The following MS4A13 variants were observed in gnomAD, a reference collection of about 807,000 sequenced individuals.
The protein encoded by MS4A13 is membrane-spanning 4-domains subfamily A member 13.
Under a neutral mutation model 18.4 loss-of-function variants are expected in MS4A13, and 21 were observed. The observed-to-expected ratio is 1.14, with a 90% CI of 0.81 to 1.64. The LOEUF (loss-of-function observed/expected upper bound fraction) is 1.64, where lower values mean the gene tolerates loss of function less well. Among genes scored for constraint, MS4A13 ranks in the 40% most tolerant of loss-of-function variants. MS4A13 has a pLI of 0.00. For missense variants in MS4A13, 173 were observed against 176.8 expected, an observed-to-expected ratio of 0.98 and a Z score of 0.12; for synonymous variants, 62 against 57.2, an observed-to-expected ratio of 1.08 and a Z score of -0.38.
chr11:60,538,046 A>T, intron 6 of MS4A13, among the ~76,000 whole-genome samples: 1 of 74,974 alleles, frequency 1.3e-5, no homozygotes, highest in African/African-American at 5.4e-5. Context: ...GGGAGGGGGG[A>T]GGGATGGCAT....
intron 3 of MS4A13, among the ~76,000 whole-genome samples, chr11:60,523,613 C>G (rs1382696232): frequency 6.6e-6 from 1 of 152,110 alleles, no homozygotes; most frequent in Non-Finnish European, 1.5e-5. Context: ...CACATAAAAG[C>G]AAACTTGGTT....
intron 5 of MS4A13, among the ~76,000 whole-genome samples, chr11:60,528,398 A>ACCTCCTGTC (rs1169058096): frequency 6.6e-6 from 1 of 152,116 alleles, no homozygotes; most frequent in East Asian, 1.9e-4. Context: ...CTTGGAGTGA[A>ACCTCCTGTC]CCTCCTGTCC....
intron 6 of MS4A13, 40 bp from the exon 7 acceptor site, chr11:60,542,479 G>A (rs1173052918): frequency 4.3e-6 from 6 of 1,406,238 alleles, no homozygotes; most frequent in Non-Finnish European, 5.0e-6. Flanking sequence ...ATAATATTAA[G>A]AAACATGATA....
At chr11:60,521,551 A>G (rs1467537132) in intron 3 of MS4A13, among the ~76,000 whole-genome samples, 3 of 152,180 alleles carry the variant, frequency 2.0e-5, no homozygotes. Flanking sequence ...CTAAAACATA[A>G]CAAGAGTCAC....
At chr11:60,524,000 G>C in intron 4 of MS4A13, 47 bp downstream of exon 4, 1 of 1,142,260 alleles carries the variant, frequency 8.8e-7, no homozygotes, top group Non-Finnish European at 1.3e-6. Flanking sequence ...TTATCACAAA[G>C]CTAAATATTA....
intron 4 of MS4A13, among the ~76,000 whole-genome samples, chr11:60,524,476 G>A (rs1391077793): frequency 6.6e-6 from 1 of 152,084 alleles, no homozygotes; most frequent in Non-Finnish European, 1.5e-5. Flanking sequence ...AAAAAATGAT[G>A]TCTGAAGATA....
chr11:60,521,002 C>T (rs191173236), intron 3 of MS4A13, among the ~76,000 whole-genome samples: 14 of 152,366 alleles, frequency 9.2e-5, no homozygotes, highest in Non-Finnish European at 2.1e-4. Flanking sequence ...CCCGCAGGCT[C>T]AACACCACAT....
intron 5 of MS4A13, 130 bp downstream of exon 5, chr11:60,525,456 G>C (rs2086707373): frequency 1.8e-6 from 1 of 552,260 alleles, no homozygotes; most frequent in East Asian, 3.9e-5. Flanking sequence ...GTGAGCTCTT[G>C]ATTGAAAATT....
intron 6 of MS4A13, 141 bp downstream of exon 6, chr11:60,529,601 TTTG>T (rs1449283842): frequency 2.4e-5 from 10 of 422,794 alleles, no homozygotes; most frequent in Non-Finnish European, 4.1e-5. Flanking sequence ...ATTTTTTATT[TTTG>T]TTATTTTATA....
At chr11:60,522,250 A>G (rs1206855787) in intron 3 of MS4A13, among the ~76,000 whole-genome samples, 1 of 106,832 alleles carries the variant, frequency 9.4e-6, no homozygotes, top group Admixed American at 1.0e-4. Context: ...ATGTATATAT[A>G]TAGATATATA....
intron 6 of MS4A13, among the ~76,000 whole-genome samples, chr11:60,532,117 G>T (rs2086772274): frequency 6.6e-6 from 1 of 152,236 alleles, no homozygotes; most frequent in South Asian, 2.1e-4. Flanking sequence ...AAGAATAAAT[G>T]TTGGACTTAA....
intron 6 of MS4A13, among the ~76,000 whole-genome samples, chr11:60,536,731 CA>C (rs2086811497): frequency 1.3e-5 from 1 of 76,482 alleles, no homozygotes; most frequent in Non-Finnish European, 2.4e-5. Context: ...AATCCTAAGC[CA>C]AAAGAACAAA....
intron 2 of MS4A13, among the ~76,000 whole-genome samples, chr11:60,517,298 G>C (rs1022107872): frequency 2.6e-5 from 4 of 151,972 alleles, no homozygotes; most frequent in Admixed American, 6.6e-5. Flanking sequence ...ACATTAAATA[G>C]CTTTCTGTTT....
In MS4A13 at chr11:60,518,232, A is replaced by T. The variant is rs2086650862; in HGVS notation, c.129+20A>T. 1.3e-6 allele frequency: 2 copies of T among 1,577,486 alleles called. No homozygotes were observed. Among genetic ancestry groups the T allele is most frequent in the African/African-American group, 2.7e-5 (2 of 73,758 alleles). ...ATTTTTGTGAGTAGAATACATATAT[A>T]TTGCTTTAATCATACAATAAATAAT... On this transcript the variant is annotated intron_variant, in intron 3 of 6. Transcript: ENST00000378186.
intron 6 of MS4A13, among the ~76,000 whole-genome samples, chr11:60,539,605 C>T (rs974825807): frequency 1.3e-5 from 2 of 151,934 alleles, no homozygotes; most frequent in African/African-American, 4.8e-5. Flanking sequence ...TTCAATACAT[C>T]CAAAAAGCTC....
intron 6 of MS4A13, among the ~76,000 whole-genome samples, chr11:60,540,961 A>G (rs1590883576): frequency 6.6e-6 from 1 of 151,868 alleles, no homozygotes; most frequent in East Asian, 1.9e-4. Flanking sequence ...TCTCACAAAA[A>G]AAAAAAAAAA....
chr11:60,541,633 G>T (rs756070713), intron 6 of MS4A13, among the ~76,000 whole-genome samples: 11 of 152,118 alleles, frequency 7.2e-5, no homozygotes, highest in Non-Finnish European at 1.5e-4. Flanking sequence ...TTATCTAAAA[G>T]TCAAAATGAC....
intron 3 of MS4A13, among the ~76,000 whole-genome samples, chr11:60,522,361 T>C (rs1374043984): frequency 1.3e-5 from 2 of 151,630 alleles, no homozygotes; most frequent in Non-Finnish European, 2.9e-5. Context: ...TTTCAATTCA[T>C]TCGAAAAGAG....
chr11:60,532,480 G>A (rs924259724), intron 6 of MS4A13, among the ~76,000 whole-genome samples: 21 of 152,206 alleles, frequency 1.4e-4, no homozygotes, highest in African/African-American at 4.1e-4. Context: ...AAAAAACGGC[G>A]CACCAGGAGA....
Sources: gnomAD v4.1 joint callset for allele counts (sites outside exome capture counted in the v4.1 genomes callset) on GRCh38, gnomAD v4.1.1 for gene constraint, MANE v1.5 for transcripts, NCBI Gene and HGNC (gene_info 2026-07-23, HGNC 2026-07-21) for gene names.